Variants in PJA2 observed in about 807,000 individuals in gnomAD.
PJA2 encodes the protein praja ring finger ubiquitin ligase 2.
A neutral mutation model predicts 69.3 loss-of-function variants in PJA2; 25 were observed. The observed-to-expected ratio is 0.36, with a 90% CI of 0.26 to 0.50. PJA2 has a LOEUF of 0.50. Among genes scored for constraint, PJA2 ranks in the 20% least tolerant of loss-of-function variants. The pLI is 0.96. For synonymous variants in PJA2, 308 were observed against 277.8 expected (o/e 1.11, Z -1.08); for missense variants, 809 against 830.2 (o/e 0.97, Z 0.31).
intron 6 of PJA2, among the ~76,000 whole-genome samples, chr5:109,356,394 T>G (rs1762413323): frequency 6.6e-6 from 1 of 152,168 alleles, no homozygotes. Flanking sequence ...AGTATTTCCT[T>G]TGTACATCAT....
At chr5:109,342,430 T>TGGG (rs1762087153) in intron 9 of PJA2, among the ~76,000 whole-genome samples, 2 of 89,570 alleles carry the variant, frequency 2.2e-5, no homozygotes, top group African/African-American at 1.1e-4. Context: ...GAGGTGGGGA[T>TGGG]GTCGGCCCCC....
At position 109,409,974 on chromosome 5, in the gene PJA2, T is replaced by C. The variant is rs868552536; in HGVS notation, c.-220A>G. 668 of 219,124 alleles carry C rather than the reference T, an allele frequency of 3.0e-3. 8 individuals carry two copies. The highest frequency in any genetic ancestry group is 3.8e-3 in the Middle Eastern group (2 of 520). 13.6% of individuals were successfully genotyped at this position (219,124 alleles called of 1,614,324 possible). A position where few individuals can be genotyped will look rare whatever the true frequency, so the allele number is the denominator to read the frequency against. On this transcript the variant is annotated 5_prime_UTR_variant, in exon 1 of 10. Transcript: ENST00000361189. The stretch of plus-strand genomic sequence containing the variant: ...GCGGCTGTGGCGGCGGCGGCGGCGG[T>C]GGCGGCGGCGGAAGCAGAGGCGGTG...
In PJA2 at chr5:109,378,387, T is replaced by C. The variant is rs1380591684; in HGVS notation, c.1100A>G (p.Tyr367Cys). ...SDDLLIKCEE[Y>C]DGEHDCMFLD... ...GAACATACAGTCATGCTCTCCATCATATTCTTCACATTTTATTAAGAGGTC... is the reference window on the plus strand; with the variant it reads ...GAACATACAGTCATGCTCTCCATCACATTCTTCACATTTTATTAAGAGGTC... Residue 367 changes from tyrosine (Y) to cysteine (C), a missense_variant, in exon 4 of 10, where the codon TAT (tyrosine) becomes TGT (cysteine). Around this residue, in one of 4 missense-constraint regions of PJA2, gnomAD observed 700 missense variants for 639.5 expected, o/e 1.09. Coordinates refer to ENST00000361189, the MANE Select transcript of PJA2 (RefSeq NM_014819.5). 1 of 1,614,062 alleles carries C rather than the reference T, an allele frequency of 6.2e-7. No homozygotes were observed. Among genetic ancestry groups the C allele is most frequent in the African/African-American group, 1.3e-5 (1 of 74,942 alleles).
intron 5 of PJA2, among the ~76,000 whole-genome samples, chr5:109,364,209 G>T (rs923114751): frequency 2.6e-5 from 4 of 152,124 alleles, no homozygotes; most frequent in Non-Finnish European, 5.9e-5. Context: ...TCGCCCGCAG[G>T]GAGGGAGGTT....
intron 3 of PJA2, among the ~76,000 whole-genome samples, chr5:109,380,407 C>T (rs1373952673): frequency 6.6e-6 from 1 of 151,962 alleles, no homozygotes; most frequent in Non-Finnish European, 1.5e-5. Flanking sequence ...TTTTCAAAAC[C>T]ATTGAATAAC....
At chr5:109,396,495 C>T (rs180894870) in intron 1 of PJA2, among the ~76,000 whole-genome samples, 95 of 142,382 alleles carry the variant, frequency 6.7e-4, no homozygotes, top group South Asian at 2.2e-4. Flanking sequence ...GGCGTGATCT[C>T]GGCTCACTGC....
intron 1 of PJA2, 62 bp from the exon 2 acceptor site, chr5:109,383,582 A>G: frequency 1.7e-6 from 1 of 586,706 alleles, no homozygotes; most frequent in Non-Finnish European, 3.0e-6. Flanking sequence ...CAAAACTGAT[A>G]CTTCTGCTCC....
intron 1 of PJA2, among the ~76,000 whole-genome samples, 156 bp downstream of exon 1, chr5:109,409,686 C>G (rs1441755099): frequency 6.6e-6 from 1 of 152,142 alleles, no homozygotes; most frequent in Non-Finnish European, 1.5e-5. Context: ...ACCCCACCCA[C>G]CATGGCCGGC....
chr5:109,403,321 GAAGA>G (rs1747605774), intron 1 of PJA2, among the ~76,000 whole-genome samples: 1 of 152,144 alleles, frequency 6.6e-6, no homozygotes, highest in Admixed American at 6.5e-5. Context: ...AAGCTTTCAA[GAAGA>G]AATAGATAAC....
chr5:109,394,039 CTTTTTTTT>C (rs75679188), intron 1 of PJA2, among the ~76,000 whole-genome samples: 40 of 81,876 alleles, frequency 4.9e-4, no homozygotes, highest in South Asian at 1.2e-3. Context: ...TTCTAATTCT[CTTTTTTTT>C]TTTTTTTTTT....
chr5:109,389,042 C>T (rs1206984197), intron 1 of PJA2, among the ~76,000 whole-genome samples: 2 of 152,186 alleles, frequency 1.3e-5, no homozygotes, highest in African/African-American at 4.8e-5. Context: ...GGTCACAATA[C>T]ATTAACCCTT....
intron 1 of PJA2, among the ~76,000 whole-genome samples, chr5:109,400,484 G>A (rs947543487): frequency 4.1e-5 from 6 of 147,640 alleles, no homozygotes; most frequent in African/African-American, 1.5e-4. Flanking sequence ...ACCAGCAGGG[G>A]GAGGGGGGGG....
rs1165007591 is a variant in PJA2, at chr5:109,340,667, C to CCTCTCCCT, written c.2002-3312_2002-3311insAGGGAGAG. 1.5e-3 allele frequency among the ~76,000 whole-genome samples: 11 copies of CCTCTCCCT among 7,150 alleles called. 2 individuals carry two copies. The highest frequency in any genetic ancestry group is 4.9e-3 in the Admixed American group (4 of 818). The allele number at this position is 7,150 out of a possible 152,430, so 4.7% of individuals were successfully genotyped here. A position where few individuals can be genotyped will look rare whatever the true frequency, so the allele number is the denominator to read the frequency against. On this transcript the variant is annotated intron_variant, in intron 9 of 9. Transcript: ENST00000361189. ...CCCTCCCCCTCCCCCTCCCCCTCCC[C>CCTCTCCCT]CTCCCTCTCCCCACGGTCTCCCTCT...
chr5:109,366,632 C>T (rs553971991), intron 5 of PJA2, among the ~76,000 whole-genome samples: 1 of 152,218 alleles, frequency 6.6e-6, no homozygotes, highest in East Asian at 1.9e-4. Flanking sequence ...TCTTGGTTAT[C>T]ATCTGCCTTT....
At chr5:109,366,962 T>A (rs1045958781) in intron 5 of PJA2, among the ~76,000 whole-genome samples, 3 of 151,774 alleles carry the variant, frequency 2.0e-5, no homozygotes, top group Non-Finnish European at 4.4e-5. Context: ...TGAAACCCCA[T>A]CTCTACTAAA....
chr5:109,355,252 T>C (rs1328777159), intron 7 of PJA2, among the ~76,000 whole-genome samples: 1 of 152,254 alleles, frequency 6.6e-6, no homozygotes, highest in Non-Finnish European at 1.5e-5. Context: ...ACCAGTCATT[T>C]CTGTACCTAT....
At chr5:109,395,272 C>G (rs1157882425) in intron 1 of PJA2, among the ~76,000 whole-genome samples, 1 of 152,202 alleles carries the variant, frequency 6.6e-6, no homozygotes, top group African/African-American at 2.4e-5. Flanking sequence ...TGGCTCATGC[C>G]TGCAATTCCA....
chr5:109,392,420 G>A (rs1451545388), intron 1 of PJA2, among the ~76,000 whole-genome samples: 1 of 151,918 alleles, frequency 6.6e-6, no homozygotes, highest in Non-Finnish European at 1.5e-5. Context: ...AATTTGCCGC[G>A]CATGGTGGTG....
chr5:109,401,471 CAAATA>C (rs762979939), intron 1 of PJA2, among the ~76,000 whole-genome samples: 11 of 151,772 alleles, frequency 7.2e-5, no homozygotes, highest in Non-Finnish European at 1.2e-4. Context: ...AAAAAAACAA[CAAATA>C]AAATAAAATT....
Sources: allele counts gnomAD v4.1 joint callset (sites outside exome capture counted in the v4.1 genomes callset), GRCh38; gene constraint gnomAD v4.1.1; regional missense constraint gnomAD v4.1.1; transcripts MANE v1.5; gene names NCBI Gene and HGNC (gene_info 2026-07-23, HGNC 2026-07-21).